Variants in TNKS observed in about 807,000 individuals in gnomAD.
TNKS encodes tankyrase.
In TNKS, 72 loss-of-function variants were observed where a neutral mutation model predicts 135.8. The ratio of observed to expected loss-of-function variants is 0.53; its 90% CI spans 0.44 to 0.64. The LOEUF (loss-of-function observed/expected upper bound fraction) is 0.64, where lower values mean the gene tolerates loss of function less well. Ranked by LOEUF, TNKS falls within the 30% of genes least tolerant of loss-of-function variation. The probability of loss-of-function intolerance (pLI) is 0.00; values close to 1 mark genes in which losing one functional copy is unlikely to be tolerated. For synonymous variants in TNKS, 849 were observed against 649.3 expected (o/e 1.31, Z -4.68); for missense variants, 1,769 against 1,674.0 (o/e 1.06, Z -0.99).
chr8:9,697,600 A>C (rs1329033114), intron 5 of TNKS, among the ~76,000 whole-genome samples: 1 of 152,234 alleles, frequency 6.6e-6, no homozygotes, highest in African/African-American at 2.4e-5. Flanking sequence ...CAAAGCAAAA[A>C]CCAGTCCCAT....
chr8:9,628,326 G>A (rs952445221), intron 3 of TNKS, among the ~76,000 whole-genome samples: 6 of 151,986 alleles, frequency 3.9e-5, no homozygotes, highest in South Asian at 2.1e-4. Context: ...CATCCCTAAC[G>A]ACTGTACTAA....
At chr8:9,596,160 A>G (rs1371692097) in intron 2 of TNKS, among the ~76,000 whole-genome samples, 2 of 152,192 alleles carry the variant, frequency 1.3e-5, no homozygotes, top group African/African-American at 4.8e-5. Flanking sequence ...TACATACTGT[A>G]GTTTTCAGTG....
intron 5 of TNKS, among the ~76,000 whole-genome samples, chr8:9,694,483 C>G (rs936527610): frequency 9.2e-5 from 14 of 152,114 alleles, no homozygotes; most frequent in African/African-American, 3.4e-4. Flanking sequence ...TTGTCCAGGC[C>G]CGGCATGGTG....
intron 1 of TNKS, among the ~76,000 whole-genome samples, chr8:9,579,040 T>A (rs756691165): frequency 4.6e-5 from 7 of 152,216 alleles, no homozygotes; most frequent in Non-Finnish European, 1.0e-4. Context: ...TTCCACGATG[T>A]TGATGTTGTG....
chr8:9,726,708 G>A lies in TNKS; in HGVS notation c.1989G>A (p.Leu663=), dbSNP rs1312255520. ...RLLEASKAGD[L]ETVKQLCSSQ... is the part of the protein sequence containing the mutation. ...TAGAGGCATCTAAAGCTGGAGACTT[G>A]GAAACTGTGAAGGTAAGTCAGTGCC... The change falls in exon 13 of 27, where the codon TTG becomes TTA. Residue 663 remains leucine (L), a synonymous_variant. Transcript: ENST00000310430. 14 of 1,612,938 alleles carry A rather than the reference G, an allele frequency of 8.7e-6. No homozygotes were observed. In the Admixed American group the frequency reaches 2.2e-4, roughly 25 times the overall value.
chr8:9,619,528 C>G (rs999116671), intron 3 of TNKS, among the ~76,000 whole-genome samples: 2 of 152,126 alleles, frequency 1.3e-5, no homozygotes, highest in Non-Finnish European at 2.9e-5. Flanking sequence ...ATGGTTGATC[C>G]TAGTGTTTTC....
intron 12 of TNKS, among the ~76,000 whole-genome samples, chr8:9,721,754 T>C (rs1172822648): frequency 1.3e-5 from 2 of 152,056 alleles, no homozygotes; most frequent in East Asian, 1.9e-4. Flanking sequence ...CAAAAATCTA[T>C]ATAAAACGCC....
intron 11 of TNKS, among the ~76,000 whole-genome samples, chr8:9,720,002 T>A (rs1008213291): frequency 6.6e-6 from 1 of 152,202 alleles, no homozygotes; most frequent in Non-Finnish European, 1.5e-5. Context: ...AAAAGTTTGG[T>A]AAAAATCCAT....
At chr8:9,769,662 C>T (rs1807694706) in intron 25 of TNKS, among the ~76,000 whole-genome samples, 3 of 144,584 alleles carry the variant, frequency 2.1e-5, no homozygotes, top group African/African-American at 7.7e-5. Flanking sequence ...CTCTGTCGCC[C>T]AGCCTGGAGT....
intron 2 of TNKS, among the ~76,000 whole-genome samples, chr8:9,600,507 C>T (rs1030776639): frequency 6.6e-6 from 1 of 152,096 alleles, no homozygotes; most frequent in African/African-American, 2.4e-5. Context: ...AGAGACAGGT[C>T]TCGCCATGTT....
intron 3 of TNKS, among the ~76,000 whole-genome samples, chr8:9,676,448 C>T (rs1216658181): frequency 1.3e-5 from 2 of 152,122 alleles, no homozygotes; most frequent in African/African-American, 2.4e-5. Flanking sequence ...CTGTCAGTTT[C>T]TGAAGGGGCA....
chr8:9,598,060 A>T (rs1484297682), intron 2 of TNKS, among the ~76,000 whole-genome samples: 1 of 152,148 alleles, frequency 6.6e-6, no homozygotes, highest in Non-Finnish European at 1.5e-5. Context: ...GAATGTTGGC[A>T]TTTCAGTCTG....
chr8:9,662,657 A>C (rs1194734063), intron 3 of TNKS, among the ~76,000 whole-genome samples: 2 of 152,198 alleles, frequency 1.3e-5, no homozygotes, highest in East Asian at 1.9e-4. Flanking sequence ...ATGATGAGTT[A>C]ATGGGTGCAG....
At chr8:9,574,186 A>T (rs12545778) in intron 1 of TNKS, among the ~76,000 whole-genome samples, 1 of 152,186 alleles carries the variant, frequency 6.6e-6, no homozygotes. Context: ...ATTTTTTCTC[A>T]TGAACTGTTT....
intron 3 of TNKS, among the ~76,000 whole-genome samples, chr8:9,618,494 G>A (rs1361538675): frequency 6.6e-6 from 1 of 152,104 alleles, no homozygotes; most frequent in Admixed American, 6.5e-5. Context: ...AATCTTGAGG[G>A]CTTTCTTTTG....
At chr8:9,772,062 GGAGGGGGA>G (rs1423324432) in intron 26 of TNKS, among the ~76,000 whole-genome samples, 67 of 127,436 alleles carry the variant, frequency 5.3e-4, no homozygotes, top group African/African-American at 1.6e-3. Flanking sequence ...AGGGAGGGAT[GGAGGGGGA>G]GAGAGGGAGA....
chr8:9,619,749 T>G (rs890620715), intron 3 of TNKS, among the ~76,000 whole-genome samples: 1 of 151,606 alleles, frequency 6.6e-6, no homozygotes, highest in African/African-American at 2.4e-5. Context: ...TTGCTGAGAC[T>G]GGCTTAGTAA....
chr8:9,565,852 G>A (rs1460471544), intron 1 of TNKS, among the ~76,000 whole-genome samples: 6 of 151,736 alleles, frequency 4.0e-5, no homozygotes, highest in East Asian at 1.9e-4. Context: ...GCAAGACTCC[G>A]TCTCAAAAAA....
intron 13 of TNKS, among the ~76,000 whole-genome samples, chr8:9,728,666 AT>A (rs1197885143): frequency 1.3e-5 from 2 of 152,150 alleles, no homozygotes; most frequent in Non-Finnish European, 2.9e-5. Context: ...GTATTTATTC[AT>A]TTTTTATTTA....
Sources: gnomAD v4.1 joint callset for allele counts (sites outside exome capture counted in the v4.1 genomes callset) on GRCh38, gnomAD v4.1.1 for gene constraint, MANE v1.5 for transcripts, NCBI Gene and HGNC (gene_info 2026-07-23, HGNC 2026-07-21) for gene names.